Variants in AGBL1 observed in about 807,000 individuals in gnomAD.
The protein encoded by AGBL1 is cytosolic carboxypeptidase 4.
AGBL1 carries 130 observed loss-of-function variants against 118.9 expected under a neutral mutation model. The observed-to-expected ratio is 1.09, with a 90% CI of 0.95 to 1.26. The LOEUF (loss-of-function observed/expected upper bound fraction) is 1.26, where lower values mean the gene tolerates loss of function less well. AGBL1 is among the 50% of genes most tolerant of loss of function. The pLI is 0.00. For synonymous variants in AGBL1, 555 were observed against 478.9 expected (o/e 1.16, Z -2.08); for missense variants, 1,584 against 1,298.1 (o/e 1.22, Z -3.38).
At position 86,296,615 on chromosome 15, in the gene AGBL1, T is replaced by G. The variant is rs922142954; in HGVS notation, c.2374+1207T>G. On this transcript the variant is annotated intron_variant, in intron 17 of 22. Transcript: ENST00000614907. ...TATTTTCTCACACCCCATCAGCATCTGACAATGGATGCTTAACAACCTGGC... is the reference window on the plus strand; with the variant it reads ...TATTTTCTCACACCCCATCAGCATCGGACAATGGATGCTTAACAACCTGGC... 2.6e-5 allele frequency: 4 copies of G among 152,226 alleles called. No individual in the cohort carries two copies. In the East Asian group the frequency reaches 7.7e-4, roughly 29 times the overall value. 9.4% of individuals were successfully genotyped at this position (152,226 alleles called of 1,614,324 possible). A position where few individuals can be genotyped will look rare whatever the true frequency, so the allele number is the denominator to read the frequency against.
chr15:86,737,285 A>G (rs1203904641), intron 22 of AGBL1, among the ~76,000 whole-genome samples: 1 of 152,130 alleles, frequency 6.6e-6, no homozygotes, highest in Non-Finnish European at 1.5e-5. Flanking sequence ...TGATCAGGTG[A>G]AAGGATTTTG....
intron 18 of AGBL1, among the ~76,000 whole-genome samples, chr15:86,414,221 G>C (rs569699888): frequency 1.3e-5 from 2 of 152,116 alleles, no homozygotes; most frequent in African/African-American, 4.8e-5. Context: ...TACTTAATGA[G>C]TACACTGTAC....
At chr15:86,715,751 G>C (rs556284851) in intron 22 of AGBL1, among the ~76,000 whole-genome samples, 1 of 152,140 alleles carries the variant, frequency 6.6e-6, no homozygotes, top group Non-Finnish European at 1.5e-5. Flanking sequence ...TAATTGATTA[G>C]TTTGTGGTTA....
chr15:86,942,784 C>A (rs191454311), intron 23 of AGBL1, among the ~76,000 whole-genome samples: 1 of 152,292 alleles, frequency 6.6e-6, no homozygotes, highest in African/African-American at 2.4e-5. Flanking sequence ...GATTCTATTT[C>A]ATTCCAGTTC....
chr15:86,670,165 T>G (rs2085715782), intron 21 of AGBL1, among the ~76,000 whole-genome samples: 1 of 152,042 alleles, frequency 6.6e-6, no homozygotes, highest in African/African-American at 2.4e-5. Context: ...TTTGGTTCAG[T>G]TTATTAGGAA....
intron 18 of AGBL1, among the ~76,000 whole-genome samples, chr15:86,419,030 G>A (rs1250772052): frequency 6.6e-6 from 1 of 152,004 alleles, no homozygotes; most frequent in Non-Finnish European, 1.5e-5. Flanking sequence ...ATCATAGATG[G>A]CAAAGACTGA....
chr15:86,411,550 T>G (rs2081621126), intron 18 of AGBL1, among the ~76,000 whole-genome samples: 1 of 152,176 alleles, frequency 6.6e-6, no homozygotes, highest in Non-Finnish European at 1.5e-5. Context: ...CTGAGCCACA[T>G]AGCCCTTTTG....
intron 21 of AGBL1, among the ~76,000 whole-genome samples, chr15:86,604,515 A>G (rs2084543679): frequency 6.6e-6 from 1 of 152,170 alleles, no homozygotes; most frequent in Non-Finnish European, 1.5e-5. Flanking sequence ...TTAACTCTCA[A>G]TTACACAGTG....
chr15:86,870,452 T>C (rs2079705252), intron 22 of AGBL1, among the ~76,000 whole-genome samples: 1 of 21,438 alleles, frequency 4.7e-5, no homozygotes, highest in Non-Finnish European at 8.6e-5. Flanking sequence ...TAAAGCATAC[T>C]GCAAAAAAAA....
At chr15:86,350,023 CA>C (rs2080600649) in intron 17 of AGBL1, among the ~76,000 whole-genome samples, 1 of 152,118 alleles carries the variant, frequency 6.6e-6, no homozygotes, top group Non-Finnish European at 1.5e-5. Flanking sequence ...TTTGACCATG[CA>C]AAAAGTGGAA....
intron 22 of AGBL1, among the ~76,000 whole-genome samples, chr15:86,843,373 T>A (rs995358794): frequency 2.0e-5 from 3 of 151,586 alleles, no homozygotes; most frequent in African/African-American, 7.3e-5. Flanking sequence ...AATTCACAAA[T>A]GGTGAAAGGT....
intron 17 of AGBL1, among the ~76,000 whole-genome samples, chr15:86,379,964 G>T (rs539917325): frequency 6.6e-6 from 1 of 152,306 alleles, no homozygotes; most frequent in Non-Finnish European, 1.5e-5. Context: ...TTTAAATGAT[G>T]ACTTGATTTG....
intron 21 of AGBL1, among the ~76,000 whole-genome samples, chr15:86,574,289 C>T (rs1379002552): frequency 2.6e-5 from 4 of 152,182 alleles, no homozygotes; most frequent in Admixed American, 2.6e-4. Flanking sequence ...GTTCAGGTTG[C>T]ACCATCTGGT....
intron 18 of AGBL1, among the ~76,000 whole-genome samples, chr15:86,467,244 G>A (rs980918020): frequency 7.2e-5 from 11 of 152,090 alleles, no homozygotes; most frequent in East Asian, 1.9e-4. Context: ...CGCCCAGTCC[G>A]AACTTCCTGA....
intron 17 of AGBL1, among the ~76,000 whole-genome samples, chr15:86,329,957 A>T (rs944289928): frequency 1.3e-5 from 2 of 152,184 alleles, no homozygotes; most frequent in African/African-American, 4.8e-5. Flanking sequence ...TTCCCCCTAC[A>T]TCACTGTGCA....
chr15:86,324,889 C>T (rs1332343028), intron 17 of AGBL1, among the ~76,000 whole-genome samples: 1 of 152,080 alleles, frequency 6.6e-6, no homozygotes. Context: ...CTCCCTAGCT[C>T]ACTAGCATGT....
chr15:86,206,514 T>C (rs2077994650), intron 5 of AGBL1, among the ~76,000 whole-genome samples: 2 of 152,238 alleles, frequency 1.3e-5, no homozygotes, highest in African/African-American at 4.8e-5. Flanking sequence ...TTCTAACTGG[T>C]GTGAGATGGT....
intron 3 of AGBL1, among the ~76,000 whole-genome samples, chr15:86,153,241 G>A (rs564305953): frequency 3.0e-4 from 45 of 152,254 alleles, no homozygotes; most frequent in Non-Finnish European, 6.0e-4. Flanking sequence ...ATTCACAAAA[G>A]CAAAGACTTG....
chr15:86,641,918 G>C (rs2085198276), intron 21 of AGBL1, among the ~76,000 whole-genome samples: 1 of 152,114 alleles, frequency 6.6e-6, no homozygotes, highest in African/African-American at 2.4e-5. Context: ...CTAGGGCTTG[G>C]GTGGGCAGGT....
Sources: allele counts gnomAD v4.1 joint callset (sites outside exome capture counted in the v4.1 genomes callset), GRCh38; gene constraint gnomAD v4.1.1; transcripts MANE v1.5; gene names NCBI Gene and HGNC (gene_info 2026-07-23, HGNC 2026-07-21).